The following COLGALT2 variants were observed in gnomAD, a reference collection of about 807,000 sequenced individuals.
COLGALT2 encodes collagen beta(1-O)galactosyltransferase 2.
Under a neutral mutation model 73.4 loss-of-function variants are expected in COLGALT2, and 49 were observed. The observed-to-expected ratio is 0.67, with a 90% CI of 0.53 to 0.85. The LOEUF (loss-of-function observed/expected upper bound fraction) is 0.85, where lower values mean the gene tolerates loss of function less well. Ranked by LOEUF, COLGALT2 falls within the 40% of genes least tolerant of loss-of-function variation. The pLI is 0.00. For synonymous variants in COLGALT2, 295 were observed against 307.6 expected (o/e 0.96, Z 0.43); for missense variants, 722 against 790.2 (o/e 0.91, Z 1.03).
Position 183,975,137 on chromosome 1 carries a change from GC to G in COLGALT2, c.451del (p.Ala151ProfsTer16). ...FAHVMKLRQA[A>X]LRTAREKWSD... ...CCATTTTTCCCTCGCAGTTCGAAGGGCTGCCTGTCGTAGTTTCATCACATGG... is the reference window on the plus strand; with the variant it reads ...CCATTTTTCCCTCGCAGTTCGAAGGGTGCCTGTCGTAGTTTCATCACATGG... On this transcript the variant is annotated frameshift_variant, in exon 3 of 12. Coordinates refer to ENST00000361927, the MANE Select transcript of COLGALT2 (RefSeq NM_015101.4). LOFTEE classifies it high-confidence loss of function. 1 of 1,614,034 alleles carries G rather than the reference GC, an allele frequency of 6.2e-7. No individual in the cohort carries two copies. Among genetic ancestry groups the G allele is most frequent in the Non-Finnish European group, 8.5e-7 (1 of 1,179,930 alleles).
At chr1:183,992,916 G>A (rs1671668051) in intron 1 of COLGALT2, among the ~76,000 whole-genome samples, 1 of 152,072 alleles carries the variant, frequency 6.6e-6, no homozygotes, top group African/African-American at 2.4e-5. Context: ...ACTCAATAAT[G>A]TATTTCTCCT....
intron 1 of COLGALT2, among the ~76,000 whole-genome samples, chr1:183,988,189 C>T (rs192933050): frequency 1.3e-5 from 2 of 152,292 alleles, no homozygotes; most frequent in East Asian, 3.9e-4. Context: ...CTAATTCTCT[C>T]AACCCAGTCT....
At chr1:183,969,175 G>T in intron 5 of COLGALT2, 94 bp downstream of exon 5, 1 of 1,037,354 alleles carries the variant, frequency 9.6e-7, no homozygotes, top group Non-Finnish European at 1.3e-6. Flanking sequence ...CCAGACATAT[G>T]AGGGTTTTTT....
chr1:184,010,882 C>A (rs1386683475), intron 1 of COLGALT2, among the ~76,000 whole-genome samples: 1 of 152,152 alleles, frequency 6.6e-6, no homozygotes, highest in Non-Finnish European at 1.5e-5. Flanking sequence ...AATAAAGGAT[C>A]ATCGGCTCCT....
At chr1:183,960,489 G>A (rs1426769752) in intron 6 of COLGALT2, among the ~76,000 whole-genome samples, 1 of 152,132 alleles carries the variant, frequency 6.6e-6, no homozygotes, top group Admixed American at 6.5e-5. Context: ...ATGCTATACT[G>A]TGTTGTTAGT....
chr1:183,946,930 C>T (rs1032823665), intron 8 of COLGALT2, among the ~76,000 whole-genome samples: 1 of 152,056 alleles, frequency 6.6e-6, no homozygotes, highest in African/African-American at 2.4e-5. Flanking sequence ...ACTTGGGAGG[C>T]TGAGGCAGGA....
intron 1 of COLGALT2, among the ~76,000 whole-genome samples, chr1:183,987,544 A>C (rs1001687039): frequency 2.0e-5 from 3 of 152,218 alleles, no homozygotes; most frequent in African/African-American, 4.8e-5. Flanking sequence ...CTTGTGTTAT[A>C]ATTAACTGGT....
intron 1 of COLGALT2, among the ~76,000 whole-genome samples, chr1:183,983,356 C>G (rs1177254590): frequency 6.6e-6 from 1 of 152,170 alleles, no homozygotes; most frequent in Non-Finnish European, 1.5e-5. Context: ...CCCTGCTCCT[C>G]CTCCCCAATG....
chr1:184,034,864 G>T (rs1343844379), intron 1 of COLGALT2, among the ~76,000 whole-genome samples: 2 of 152,188 alleles, frequency 1.3e-5, no homozygotes, highest in African/African-American at 4.8e-5. Flanking sequence ...ATGGCAGTAA[G>T]AATCAAATGA....
At chr1:184,025,752 T>C (rs1000291396) in intron 1 of COLGALT2, among the ~76,000 whole-genome samples, 11 of 152,168 alleles carry the variant, frequency 7.2e-5, no homozygotes, top group Non-Finnish European at 8.8e-5. Flanking sequence ...TCGCACAGTA[T>C]AAAACAGGAT....
intron 1 of COLGALT2, among the ~76,000 whole-genome samples, chr1:184,024,676 G>C (rs1299855552): frequency 1.1e-5 from 1 of 93,268 alleles, no homozygotes; most frequent in Non-Finnish European, 2.2e-5. Context: ...TTTTTTTTCT[G>C]AGCAGAGATA....
At position 183,969,418 on chromosome 1, in the gene COLGALT2, C is replaced by T. The variant is rs201381167; in HGVS notation, c.683G>A (p.Gly228Asp). The T allele has an allele frequency of 6.2e-7, 1 of 1,613,686 alleles. No individual in the cohort carries two copies. The highest frequency in any genetic ancestry group is 1.7e-5 in the Admixed American group (1 of 59,980). Residue 228 changes from glycine (G) to aspartate (D), a missense_variant, in exon 5 of 12, where the codon GGC (glycine) becomes GAC (aspartate). Gly to Asp is a moderately conservative substitution (Grantham distance 94). Transcript: ENST00000361927. ...GTGGACCATGGGGACGGGGAAGCAG[C>T]CTGTCCTCTTCCATTCTCGAATCTG... ...YVQIREWKRT[G>D]CFPVPMVHST...
At position 184,037,058 on chromosome 1, in the gene COLGALT2, G is replaced by C. The variant is rs780701718; in HGVS notation, c.263+37C>G. On this transcript the variant is annotated intron_variant, in intron 1 of 11. Transcript: ENST00000361927. ...TCCGCGCTGGGCAGGCCGCCCCCGC[G>C]TCCCGCCGCGGCGGCCCGGGGCCCG... 12 of 1,433,908 alleles carry C rather than the reference G, an allele frequency of 8.4e-6. No homozygotes were observed. The South Asian group carries it at 1.2e-4, about 14-fold the overall frequency. The allele number at this position is 1,433,908 out of a possible 1,614,324, so 88.8% of individuals were successfully genotyped here.
chr1:183,934,244 TAA>T (rs1669903072), downstream of COLGALT2, among the ~76,000 whole-genome samples: 1 of 152,220 alleles, frequency 6.6e-6, no homozygotes, highest in African/African-American at 2.4e-5. Flanking sequence ...ATTTTTCACG[TAA>T]TCTTTTGTAA....
chr1:183,944,323 C>G lies in COLGALT2; in HGVS notation c.1270G>C (p.Val424Leu). Residue 424 changes from valine to leucine, a missense_variant and splice_region_variant, in exon 10 of 12, where the codon GTA becomes CTA. Physicochemically the swap from Val to Leu is conservative, Grantham distance 32. Transcript: ENST00000361927. ...GTCTTCTCTAGCTCTCGATCAATTA[C>G]CTGCAAAAGTCATCAGTAGGAAGAT... ...FLSHYSVWKEVIDRELEKTLV... is the reference protein window; with the variant it reads ...FLSHYSVWKELIDRELEKTLV... The G allele has an allele frequency of 6.2e-7, 1 of 1,611,006 alleles. No individual in the cohort carries two copies. The highest frequency in any genetic ancestry group is 2.2e-5 in the East Asian group (1 of 44,810).
Position 183,937,692 on chromosome 1 carries a change from T to G in COLGALT2, c.*1069A>C, listed in dbSNP as rs1669994745. ...TGTCCACACCCACCACTCCCCCGGG[T>G]GCCGTGGAAGTCTGCAACATCTGTT... On this transcript the variant is annotated 3_prime_UTR_variant, in exon 12 of 12. Transcript: ENST00000361927. 3 of 985,280 alleles carry G rather than the reference T, an allele frequency of 3.0e-6. No individual in the cohort carries two copies. Among genetic ancestry groups the G allele is most frequent in the Non-Finnish European group, 2.4e-6 (2 of 829,948 alleles). 61.0% of individuals were successfully genotyped at this position (985,280 alleles called of 1,614,324 possible). A position where few individuals can be genotyped will look rare whatever the true frequency, so the allele number is the denominator to read the frequency against.
chr1:184,033,908 C>A (rs1480595624), intron 1 of COLGALT2, among the ~76,000 whole-genome samples: 2 of 152,150 alleles, frequency 1.3e-5, no homozygotes, highest in African/African-American at 2.4e-5. Flanking sequence ...GTATTCACTG[C>A]GGTTCTATTT....
chr1:184,021,924 G>T (rs1649193325), intron 1 of COLGALT2, among the ~76,000 whole-genome samples: 1 of 152,292 alleles, frequency 6.6e-6, no homozygotes, highest in South Asian at 2.1e-4. Flanking sequence ...TTGAGACAAT[G>T]ACATATGCAA....
At position 183,991,066 on chromosome 1, in the gene COLGALT2, G is replaced by A. The variant is rs142074059; in HGVS notation, c.264-12546C>T. On this transcript the variant is annotated intron_variant, in intron 1 of 11. Coordinates refer to ENST00000361927, the MANE Select transcript of COLGALT2 (RefSeq NM_015101.4). ...ATTTTATTCAGTTCCAATTCCATCC[G>A]CAGGTGCAGCTGCCACATAGTCTGG... Among the ~76,000 whole-genome samples, 29 of 152,250 alleles carry A rather than the reference G, an allele frequency of 1.9e-4. No homozygotes were observed. In the East Asian group the frequency reaches 2.3e-3, roughly 12 times the overall value.
Sources: gnomAD v4.1 joint callset for allele counts (sites outside exome capture counted in the v4.1 genomes callset) on GRCh38, gnomAD v4.1.1 for gene constraint, MANE v1.5 for transcripts, NCBI Gene and HGNC (gene_info 2026-07-23, HGNC 2026-07-21) for gene names.